The following GDAP2 variants were observed in gnomAD, a reference collection of about 807,000 sequenced individuals.
GDAP2 encodes ganglioside induced differentiation associated protein 2, also known as ganglioside-induced differentiation-associated protein 2.
Under a neutral mutation model 67.0 loss-of-function variants are expected in GDAP2, and 51 were observed. The ratio of observed to expected loss-of-function variants is 0.76; its 90% CI spans 0.61 to 0.96. The LOEUF (loss-of-function observed/expected upper bound fraction) is 0.96. GDAP2 is among the 40% of genes least tolerant of loss of function. GDAP2 has a pLI of 0.00. For synonymous variants in GDAP2, 203 were observed against 207.3 expected, an observed-to-expected ratio of 0.98 and a Z score of 0.18; for missense variants, 547 against 588.3, an observed-to-expected ratio of 0.93 and a Z score of 0.73.
Position 117,865,948 on chromosome 1 carries a change from A to C in GDAP2, c.*4621T>G, listed in dbSNP as rs1299903952. On this transcript the variant is annotated 3_prime_UTR_variant, in exon 14 of 14. Transcript: ENST00000369443. The stretch of plus-strand genomic sequence containing the variant: ...ATATGGACCACAGAAGTCCGACTCA[A>C]AGAATGTAAAACAAGGCAGATTATG... 6.6e-6 allele frequency: 1 copy of C among 152,244 alleles called. No homozygotes were observed. The highest frequency in any genetic ancestry group is 1.5e-5 in the Non-Finnish European group (1 of 68,052). The allele number at this position is 152,244 out of a possible 1,614,324, so 9.4% of individuals were successfully genotyped here. A position where few individuals can be genotyped will look rare whatever the true frequency, so the allele number is the denominator to read the frequency against.
At chr1:117,879,773 A>G (rs1382220066) in intron 12 of GDAP2, among the ~76,000 whole-genome samples, 1 of 152,044 alleles carries the variant, frequency 6.6e-6, no homozygotes, top group Non-Finnish European at 1.5e-5. Flanking sequence ...CTCCCCAGAT[A>G]TATGTTTGAA....
At chr1:117,877,381 T>C (rs1473299024) in intron 13 of GDAP2, 3 of 984,322 alleles carry the variant, frequency 3.0e-6, no homozygotes, top group Admixed American at 6.2e-5. Flanking sequence ...TGATGAGCTT[T>C]TGGCCAAGTG....
chr1:117,920,574 C>G (rs1650217147), intron 1 of GDAP2, 150 bp from the exon 2 acceptor site: 1 of 374,130 alleles, frequency 2.7e-6, no homozygotes. Flanking sequence ...AAACAATGGA[C>G]AACAAAGAAT....
intron 6 of GDAP2, among the ~76,000 whole-genome samples, chr1:117,902,215 C>T (rs1649495875): frequency 1.3e-5 from 2 of 152,168 alleles, no homozygotes; most frequent in Non-Finnish European, 2.9e-5. Context: ...CACTCAGTCA[C>T]CTTTGTAAAT....
chr1:117,913,463 A>G (rs1422690879), intron 3 of GDAP2: 4 of 152,082 alleles, frequency 2.6e-5, no homozygotes, highest in African/African-American at 7.2e-5. Context: ...GAGATGCTCA[A>G]CTAGAGAGTT....
At chr1:117,920,701 G>A (rs1455297184) in intron 1 of GDAP2, among the ~76,000 whole-genome samples, 3 of 147,842 alleles carry the variant, frequency 2.0e-5, no homozygotes, top group Non-Finnish European at 4.5e-5. Context: ...CCAGAAACAG[G>A]ACTATTCATT....
At chr1:117,906,259 C>T (rs1649653727) in intron 6 of GDAP2, among the ~76,000 whole-genome samples, 1 of 152,142 alleles carries the variant, frequency 6.6e-6, no homozygotes, top group East Asian at 1.9e-4. Flanking sequence ...AGAACAACTC[C>T]ACTTTGTACG....
chr1:117,900,132 CAAAATTCAGTGTTTGTTTTCGTTTTCTTT>C, intron 6 of GDAP2, among the ~76,000 whole-genome samples: 1 of 151,996 alleles, frequency 6.6e-6, no homozygotes, highest in East Asian at 1.9e-4. Flanking sequence ...TTTTAAAGTA[CAAAATTCAGTGTTTGTTTTCGTTTTCTTT>C]TTTGAGATGA....
At chr1:117,924,649 A>G (rs1231115388) in intron 1 of GDAP2, among the ~76,000 whole-genome samples, 1 of 152,236 alleles carries the variant, frequency 6.6e-6, no homozygotes, top group African/African-American at 2.4e-5. Flanking sequence ...AGGAAATGTG[A>G]TCATTTATAT....
In GDAP2 at chr1:117,867,834, G is replaced by C. The variant is rs1175996507; in HGVS notation, c.*2735C>G. The C allele has an allele frequency of 1.3e-5, 2 of 152,276 alleles. No individual in the cohort carries two copies. The highest frequency in any genetic ancestry group is 4.8e-5 in the African/African-American group (2 of 41,564). The allele number at this position is 152,276 out of a possible 1,614,324, so 9.4% of individuals were successfully genotyped here. Reference sequence around the variant, plus strand: ...CTAATAAAGGCTGAACCTTTTTTAAGAGGTAATTTTCACTATCAAGAAACT... The same window carrying C: ...CTAATAAAGGCTGAACCTTTTTTAACAGGTAATTTTCACTATCAAGAAACT... On this transcript the variant is annotated 3_prime_UTR_variant, in exon 14 of 14. Transcript: ENST00000369443.
intron 6 of GDAP2, among the ~76,000 whole-genome samples, chr1:117,900,943 C>T (rs1267119312): frequency 1.3e-5 from 2 of 151,974 alleles, no homozygotes; most frequent in African/African-American, 2.4e-5. Context: ...GCCTGTAGTC[C>T]CAGCTACTTG....
At chr1:117,926,358 G>C (rs1343879291) in intron 1 of GDAP2, among the ~76,000 whole-genome samples, 1 of 152,104 alleles carries the variant, frequency 6.6e-6, no homozygotes, top group Non-Finnish European at 1.5e-5. Context: ...CTATATCCCT[G>C]ATCATACCTG....
chr1:117,916,515 T>C (rs1394022048), intron 3 of GDAP2, among the ~76,000 whole-genome samples: 1 of 152,204 alleles, frequency 6.6e-6, no homozygotes, highest in Admixed American at 6.5e-5. Flanking sequence ...TTACTGGTTG[T>C]GTGTGGACAA....
At position 117,870,207 on chromosome 1, in the gene GDAP2, G is replaced by A. The variant is rs1648206687; in HGVS notation, c.*362C>T. ...TCGAGAATCACTTAAGTACACAAAG[G>A]AAGCGTGCAATGTTAGAGAGATGAT... is the stretch of plus-strand genomic sequence containing the variant. On this transcript the variant is annotated 3_prime_UTR_variant, in exon 14 of 14. Coordinates refer to ENST00000369443, the MANE Select transcript of GDAP2 (RefSeq NM_017686.4). 4.0e-6 allele frequency: 1 copy of A among 250,006 alleles called. No individual in the cohort carries two copies. The allele number at this position is 250,006 out of a possible 1,614,324, so 15.5% of individuals were successfully genotyped here.
chr1:117,871,982 A>T (rs10923439), intron 13 of GDAP2, among the ~76,000 whole-genome samples: 72,712 of 151,852 alleles, frequency 0.48, 17,600 homozygotes, highest in South Asian at 0.63. Flanking sequence ...AAGGAACTTA[A>T]GCAAATTTAC....
rs374920558 is a variant in GDAP2 at position 117,863,610 on chromosome 1, C to T, written c.*6959G>A. On this transcript the variant is annotated 3_prime_UTR_variant, in exon 14 of 14. Coordinates refer to ENST00000369443, the MANE Select transcript of GDAP2 (RefSeq NM_017686.4). ...TAAAAGGAAATTTAGCTATTTACCC[C>T]TCTACAGAATCACTGATTTGACAAT... 41 of 152,260 alleles carry T rather than the reference C, an allele frequency of 2.7e-4. No homozygotes were observed. The East Asian group carries it at 3.7e-3, about 14-fold the overall frequency. 9.4% of individuals were successfully genotyped at this position (152,260 alleles called of 1,614,324 possible).
chr1:117,928,914 G>A (rs1650568867), intron 1 of GDAP2, among the ~76,000 whole-genome samples: 1 of 152,198 alleles, frequency 6.6e-6, no homozygotes, highest in African/African-American at 2.4e-5. Context: ...TTAAGTCTCA[G>A]TGAGCAAACA....
chr1:117,883,471 T>G lies in GDAP2; in HGVS notation c.1247+17A>C, dbSNP rs1020160148. The G allele has an allele frequency of 1.3e-6, 2 of 1,594,850 alleles. No individual in the cohort carries two copies. Among genetic ancestry groups the G allele is most frequent in the Admixed American group, 1.7e-5 (1 of 59,388 alleles). ...AAAGAAACTATTTCCCCTTCATAAT[T>G]TGCAAAAATAACTAACTTGACATCA... is the stretch of plus-strand genomic sequence containing the variant. On this transcript the variant is annotated intron_variant, in intron 11 of 13. Coordinates refer to ENST00000369443, the MANE Select transcript of GDAP2 (RefSeq NM_017686.4).
intron 8 of GDAP2, among the ~76,000 whole-genome samples, chr1:117,889,771 T>C (rs1450504917): frequency 1.3e-5 from 2 of 152,146 alleles, no homozygotes; most frequent in African/African-American, 4.8e-5. Context: ...CATTCTATTA[T>C]ATACTAATTG....
Sources: allele counts gnomAD v4.1 joint callset (sites outside exome capture counted in the v4.1 genomes callset), GRCh38; gene constraint gnomAD v4.1.1; transcripts MANE v1.5; gene names NCBI Gene and HGNC (gene_info 2026-07-23, HGNC 2026-07-21).